ETV6: variants seen among roughly 807,000 people sequenced by gnomAD.
ETV6 encodes the protein transcription factor ETV6.
Under a neutral mutation model 51.1 loss-of-function variants are expected in ETV6, and 16 were observed. The observed-to-expected ratio is 0.31, with a 90% CI of 0.21 to 0.48. ETV6 has a LOEUF of 0.48. Ranked by LOEUF, ETV6 falls within the 20% of genes least tolerant of loss-of-function variation. The pLI is 0.99. For missense variants in ETV6, 458 were observed against 594.8 expected, an observed-to-expected ratio of 0.77 and a Z score of 2.39; for synonymous variants, 240 against 224.1, an observed-to-expected ratio of 1.07 and a Z score of -0.64.
intron 2 of ETV6, among the ~76,000 whole-genome samples, chr12:11,754,795 C>T (rs1944984475): frequency 6.6e-6 from 1 of 152,256 alleles, no homozygotes; most frequent in African/African-American, 2.4e-5. Context: ...GTGTGCCTAG[C>T]ACACAACCAT....
At chr12:11,854,145 A>G (rs1411108788) in intron 4 of ETV6, among the ~76,000 whole-genome samples, 2 of 152,112 alleles carry the variant, frequency 1.3e-5, no homozygotes. Flanking sequence ...ACAGATCATC[A>G]GCCATTAGAT....
At chr12:11,738,562 C>T (rs895963351) in intron 1 of ETV6, among the ~76,000 whole-genome samples, 8 of 151,964 alleles carry the variant, frequency 5.3e-5, no homozygotes, top group African/African-American at 1.9e-4. Flanking sequence ...CTGCCTCTGC[C>T]TCCCAAAGTG....
intron 2 of ETV6, among the ~76,000 whole-genome samples, chr12:11,834,193 G>A (rs746272420): frequency 5.9e-5 from 9 of 152,154 alleles, no homozygotes; most frequent in Non-Finnish European, 1.2e-4. Context: ...TCACTGTGTT[G>A]AGGGTTACAA....
At position 11,893,841 on chromosome 12, in the gene ETV6, T is replaced by TACACACAC. The variant is rs61009195; in HGVS notation, c.*2803_*2810dup. On this transcript the variant is annotated 3_prime_UTR_variant, in exon 8 of 8. Coordinates refer to ENST00000396373, the MANE Select transcript of ETV6 (RefSeq NM_001987.5). ...ATATATATATATATATATATATATA[T>TACACACAC]ACACACACACACACATACACAAATA... The TACACACAC allele has an allele frequency of 3.5e-5, 2 of 57,302 alleles. No individual in the cohort carries two copies. The highest frequency in any genetic ancestry group is 1.3e-4 in the African/African-American group (2 of 15,658). 3.5% of individuals were successfully genotyped at this position (57,302 alleles called of 1,614,324 possible).
intron 7 of ETV6, among the ~76,000 whole-genome samples, chr12:11,889,907 G>T (rs566819288): frequency 2.6e-5 from 4 of 152,268 alleles, no homozygotes; most frequent in Non-Finnish European, 4.4e-5. Context: ...GAAGGGGACT[G>T]GAACGGGTGC....
intron 1 of ETV6, among the ~76,000 whole-genome samples, chr12:11,731,165 C>G (rs942938447): frequency 6.6e-6 from 1 of 152,186 alleles, no homozygotes; most frequent in Non-Finnish European, 1.5e-5. Context: ...AGAGTCATGA[C>G]TAAGTCTAGA....
chr12:11,861,635 A>C (rs1946719489), intron 4 of ETV6, among the ~76,000 whole-genome samples: 1 of 152,138 alleles, frequency 6.6e-6, no homozygotes, highest in Admixed American at 6.5e-5. Context: ...AATGACTCTC[A>C]CAAGACAGGC....
intron 2 of ETV6, among the ~76,000 whole-genome samples, chr12:11,756,097 G>C (rs1945002994): frequency 6.6e-6 from 1 of 152,232 alleles, no homozygotes; most frequent in South Asian, 2.1e-4. Context: ...TTGAGAAGTA[G>C]AGAGTGATGC....
At position 11,869,606 on chromosome 12, in the gene ETV6, G is replaced by A; in HGVS notation, c.646G>A (p.Glu216Lys). The change falls in exon 5 of 8, where the codon GAG (glutamate) becomes AAG (lysine). Residue 216 changes from glutamate (E) to lysine (K), a missense_variant. Physicochemically the swap from Glu to Lys is moderately conservative, Grantham distance 56 (BLOSUM62 1). This residue lies in a region of ETV6 where 293 missense variants were observed against 315.7 expected (regional missense o/e 0.93). Coordinates refer to ENST00000396373, the MANE Select transcript of ETV6 (RefSeq NM_001987.5). This position sits in a 1 kb window ranked among gnomAD's most constrained non-coding sequence, Gnocchi z 5.0. ...CATGATCCGCCGCCTCTCCCCGGCT[G>A]AGAGAGCTCAGGGACCCAGGCCGCA... ...DNMIRRLSPA[E>K]RAQGPRPHQE... is the part of the protein sequence containing the mutation. 6.2e-7 allele frequency: 1 copy of A among 1,614,168 alleles called. No homozygotes were observed. The highest frequency in any genetic ancestry group is 8.5e-7 in the Non-Finnish European group (1 of 1,180,032).
At chr12:11,791,228 C>G (rs2136386618) in intron 2 of ETV6, among the ~76,000 whole-genome samples, 1 of 152,310 alleles carries the variant, frequency 6.6e-6, no homozygotes, top group East Asian at 1.9e-4. Flanking sequence ...TCCCCTCCCT[C>G]CACCCCCTTA....
chr12:11,888,506 A>C (rs1307567415), intron 7 of ETV6, among the ~76,000 whole-genome samples: 6 of 149,826 alleles, frequency 4.0e-5, no homozygotes, highest in Non-Finnish European at 8.9e-5. Context: ...AGCAATTCTC[A>C]TAATTATCAT....
At chr12:11,792,050 T>C (rs1472420831) in intron 2 of ETV6, among the ~76,000 whole-genome samples, 1 of 152,146 alleles carries the variant, frequency 6.6e-6, no homozygotes, top group East Asian at 1.9e-4. Context: ...CTCTGAGAGC[T>C]GCGGCTAAAA....
chr12:11,768,729 C>G (rs573449346), intron 2 of ETV6, among the ~76,000 whole-genome samples: 2 of 152,202 alleles, frequency 1.3e-5, no homozygotes, highest in Admixed American at 1.3e-4. Flanking sequence ...TCACCCTTGC[C>G]CTTGCCTCTG....
At chr12:11,690,212 G>C (rs1163014414) in intron 1 of ETV6, among the ~76,000 whole-genome samples, 2 of 151,548 alleles carry the variant, frequency 1.3e-5, no homozygotes, top group Non-Finnish European at 2.9e-5. Context: ...AATTTAGATA[G>C]AGGATGGCAG....
In ETV6 at chr12:11,706,553, G is replaced by A. The variant is rs531228151; in HGVS notation, c.34-45897G>A. Among the ~76,000 whole-genome samples, 21 of 152,370 alleles carry A rather than the reference G, an allele frequency of 1.4e-4. 1 individual carries two copies. Among genetic ancestry groups the A allele is most frequent in the African/African-American group, 4.8e-4 (20 of 41,588 alleles). ...GTGCTCCGAGCTTCCATGAGGGGCA[G>A]CCCTCCTTACCTGGCAGGTTACTGA... On this transcript the variant is annotated intron_variant, in intron 1 of 7. Coordinates refer to ENST00000396373, the MANE Select transcript of ETV6 (RefSeq NM_001987.5).
chr12:11,659,786 G>A (rs1010039696), intron 1 of ETV6, among the ~76,000 whole-genome samples: 1 of 152,158 alleles, frequency 6.6e-6, no homozygotes, highest in Non-Finnish European at 1.5e-5. Flanking sequence ...CCTGGTGAAA[G>A]TGTGAATCTG....
chr12:11,781,194 TC>T (rs1196613855), intron 2 of ETV6, among the ~76,000 whole-genome samples: 1 of 152,188 alleles, frequency 6.6e-6, no homozygotes, highest in Non-Finnish European at 1.5e-5. Context: ...GATCGATGAG[TC>T]TAAGAATTGT....
At chr12:11,849,848 T>C (rs1946521740) in intron 3 of ETV6, among the ~76,000 whole-genome samples, 1 of 152,172 alleles carries the variant, frequency 6.6e-6, no homozygotes, top group African/African-American at 2.4e-5. Context: ...ATATTCCAAG[T>C]TATTACTGGG....
chr12:11,685,322 GAAAA>G (rs542402101), intron 1 of ETV6, among the ~76,000 whole-genome samples: 5 of 94,162 alleles, frequency 5.3e-5, no homozygotes, highest in South Asian at 3.3e-4. Flanking sequence ...GAACATTTCA[GAAAA>G]AAAAAAAAAA....
Sources: gnomAD v4.1 joint callset for allele counts (sites outside exome capture counted in the v4.1 genomes callset) on GRCh38, gnomAD v4.1.1 for gene constraint, gnomAD v4.1.1 regional missense constraint, Gnocchi (gnomAD v3.1) non-coding constraint, MANE v1.5 for transcripts, NCBI Gene and HGNC (gene_info 2026-07-23, HGNC 2026-07-21) for gene names.